Variants in DPH6 observed in about 807,000 individuals in gnomAD.
The protein encoded by DPH6 is diphthine--ammonia ligase.
In DPH6, 33 loss-of-function variants were observed where a neutral mutation model predicts 38.2. That is an observed-to-expected ratio of 0.86 (90% confidence interval 0.65 to 1.15). The LOEUF (loss-of-function observed/expected upper bound fraction) is 1.15. Among genes scored for constraint, DPH6 ranks in the 50% most tolerant of loss-of-function variants. The pLI is 0.00. For synonymous variants in DPH6, 108 were observed against 103.0 expected (o/e 1.05, Z -0.30); for missense variants, 325 against 320.0 (o/e 1.02, Z -0.12).
intron 3 of DPH6, among the ~76,000 whole-genome samples, chr15:35,523,072 T>C (rs1349711379): frequency 1.3e-5 from 2 of 151,948 alleles, no homozygotes; most frequent in Non-Finnish European, 1.5e-5. Flanking sequence ...ATTACAGGAG[T>C]GTATTTTTTT....
At chr15:35,540,371 T>C (rs1165475977) in intron 2 of DPH6, among the ~76,000 whole-genome samples, 1 of 152,116 alleles carries the variant, frequency 6.6e-6, no homozygotes, top group Non-Finnish European at 1.5e-5. Flanking sequence ...AAATTCCTTT[T>C]CACACCACCC....
At chr15:35,237,066 T>A (rs927707330) in intron 3 of DPH6, 1 of 482,930 alleles carries the variant, frequency 2.1e-6, no homozygotes, top group African/African-American at 1.9e-5. Flanking sequence ...TTGGAATGCA[T>A]GCACATAGGC....
downstream of DPH6, among the ~76,000 whole-genome samples, chr15:35,329,023 C>T (rs961391044): frequency 3.9e-5 from 6 of 152,152 alleles, no homozygotes; most frequent in Non-Finnish European, 7.4e-5. Flanking sequence ...CGGGAAACTG[C>T]CCCCATGATT....
At chr15:35,279,335 G>A (rs1482440281) in intron 3 of DPH6, among the ~76,000 whole-genome samples, 2 of 151,990 alleles carry the variant, frequency 1.3e-5, no homozygotes, top group African/African-American at 4.8e-5. Context: ...AGGCTTTGGG[G>A]GACTATTGAG....
rs985377006 is a variant in DPH6 at position 35,241,800 on chromosome 15, T to C, written n.201-21218A>G. ...AGCATGCTTTGAAAAGATTAAAGCC[T>C]GTTATCACTCGCCTGCTACAGCATG... is the stretch of plus-strand genomic sequence containing the variant. On this transcript the variant is annotated intron_variant and non_coding_transcript_variant, in intron 3 of 3. Coordinates refer to the DPH6 transcript ENST00000560386. Among the ~76,000 whole-genome samples, 24 of 143,400 alleles carry C rather than the reference T, an allele frequency of 1.7e-4. 2 individuals carry two copies. The highest frequency in any genetic ancestry group is 5.0e-4 in the African/African-American group (20 of 39,728). 94.1% of individuals were successfully genotyped at this position (143,400 alleles called of 152,430 possible). A position where few individuals can be genotyped will look rare whatever the true frequency, so the allele number is the denominator to read the frequency against.
rs59561468 is a variant in DPH6 at position 35,296,524 on chromosome 15, C to T, written n.201-75942G>A. 0.03 allele frequency among the ~76,000 whole-genome samples: 4,580 copies of T among 152,252 alleles called. 337 individuals carry two copies. The East Asian group carries it at 0.32, about 11-fold the overall frequency. ...TAGGCTCTATCACTTTAATCATACA[C>T]ATAATTCCTTTGCTCCTTGCTACTC... On this transcript the variant is annotated intron_variant and non_coding_transcript_variant, in intron 3 of 3. Coordinates refer to the DPH6 transcript ENST00000560386.
At position 35,285,872 on chromosome 15, in the gene DPH6, GT is replaced by G. The variant is rs67243158; in HGVS notation, n.201-65291del. 1.5e-3 allele frequency among the ~76,000 whole-genome samples: 78 copies of G among 52,816 alleles called. 5 individuals carry two copies. The East Asian group carries it at 0.032, about 22-fold the overall frequency. The allele number at this position is 52,816 out of a possible 152,430, so 34.6% of individuals were successfully genotyped here. ...GACTCAATTATCATTTTATCTTTGA[GT>G]TTTTTTTTTTTTTTTTACCTGAGAC... On this transcript the variant is annotated intron_variant and non_coding_transcript_variant, in intron 3 of 3. Transcript: ENST00000560386.
downstream of DPH6, among the ~76,000 whole-genome samples, chr15:35,328,810 T>C (rs1336037876): frequency 6.6e-6 from 1 of 152,144 alleles, no homozygotes; most frequent in Non-Finnish European, 1.5e-5. Flanking sequence ...CTGGGCAGTT[T>C]ACAAAAGAAA....
Position 35,237,195 on chromosome 15 carries a change from T to A in DPH6, n.201-16613A>T, listed in dbSNP as rs572298562. The stretch of plus-strand genomic sequence containing the variant: ...GCATTAAAAGAATGACCATTGAGGT[T>A]AGCGTGTGCCGGGGGTGCTGGGGGC... On this transcript the variant is annotated intron_variant and non_coding_transcript_variant, in intron 3 of 3. Transcript: ENST00000560386. 185 of 723,958 alleles carry A rather than the reference T, an allele frequency of 2.6e-4. No homozygotes were observed. In the African/African-American group the frequency reaches 3.0e-3, roughly 12 times the overall value. The allele number at this position is 723,958 out of a possible 1,614,324, so 44.8% of individuals were successfully genotyped here.
intron 3 of DPH6, among the ~76,000 whole-genome samples, chr15:35,291,290 T>C (rs1177199222): frequency 6.6e-6 from 1 of 152,132 alleles, no homozygotes; most frequent in African/African-American, 2.4e-5. Context: ...TTGTTTCTTT[T>C]AGACACATTT....
chr15:35,401,693 T>A, intron 6 of DPH6: 2 of 740,046 alleles, frequency 2.7e-6, no homozygotes, highest in Admixed American at 1.7e-5. Flanking sequence ...GCCAATACTT[T>A]GCCAAACCAC....
intron 3 of DPH6, among the ~76,000 whole-genome samples, chr15:35,254,380 G>C (rs1333914130): frequency 6.6e-6 from 1 of 152,150 alleles, no homozygotes; most frequent in Non-Finnish European, 1.5e-5. Context: ...TTTATAATGG[G>C]AAGCTGAATC....
chr15:35,176,741 G>GA, the DPH6 span, among the ~76,000 whole-genome samples: 4 of 152,192 alleles, frequency 2.6e-5, no homozygotes, highest in African/African-American at 9.6e-5. Context: ...AAAGTGCTGG[G>GA]ATTACAGGCG....
At chr15:35,279,048 C>A (rs76962328) in intron 3 of DPH6, among the ~76,000 whole-genome samples, 551 of 70,638 alleles carry the variant, frequency 7.8e-3, no homozygotes, top group Non-Finnish European at 8.4e-3. Context: ...GACTCTGTCT[C>A]AAAAAAAAAA....
chr15:35,411,452 CTG>C (rs953528462), intron 5 of DPH6, among the ~76,000 whole-genome samples: 3 of 151,636 alleles, frequency 2.0e-5, no homozygotes, highest in Middle Eastern at 3.2e-3. Flanking sequence ...CTTCGCAACA[CTG>C]TATTTTTCAA....
chr15:35,304,610 G>A (rs1047179581), intron 3 of DPH6, among the ~76,000 whole-genome samples: 5 of 151,816 alleles, frequency 3.3e-5, no homozygotes, highest in Non-Finnish European at 4.4e-5. Flanking sequence ...TATGTGTGTC[G>A]GGAAGGATTA....
chr15:35,340,975 C>T (rs1225380155), intron 3 of DPH6, among the ~76,000 whole-genome samples: 2 of 152,234 alleles, frequency 1.3e-5, no homozygotes, highest in African/African-American at 4.8e-5. Flanking sequence ...AGTATATTTT[C>T]CACCTTGGTT....
chr15:35,431,336 T>C (rs896161255), intron 5 of DPH6, among the ~76,000 whole-genome samples: 2 of 152,146 alleles, frequency 1.3e-5, no homozygotes, highest in African/African-American at 4.8e-5. Context: ...TTAGGATAAG[T>C]AGTAAAACAA....
At chr15:35,312,821 G>A (rs1056613869) in intron 3 of DPH6, among the ~76,000 whole-genome samples, 1 of 152,162 alleles carries the variant, frequency 6.6e-6, no homozygotes, top group Non-Finnish European at 1.5e-5. Flanking sequence ...TCAAAGATAA[G>A]TTGGCTCTAA....
Sources: allele counts gnomAD v4.1 joint callset (sites outside exome capture counted in the v4.1 genomes callset), GRCh38; gene constraint gnomAD v4.1.1; transcripts MANE v1.5; gene names NCBI Gene and HGNC (gene_info 2026-07-23, HGNC 2026-07-21).